The following UMAD1 variants were observed in gnomAD, a reference collection of about 807,000 sequenced individuals.
UMAD1 encodes the protein UBAP1-MVB12-associated (UMA)-domain containing protein 1.
In UMAD1, 8 loss-of-function variants were observed where a neutral mutation model predicts 6.1. The ratio of observed to expected loss-of-function variants is 1.30; its 90% CI spans 0.76 to 2.35. The LOEUF is 2.35. Among genes scored for constraint, UMAD1 ranks in the 30% most tolerant of loss-of-function variants. UMAD1 has a pLI of 0.00. For missense variants in UMAD1, 130 were observed against 78.4 expected, an observed-to-expected ratio of 1.66 and a Z score of -2.49; for synonymous variants, 56 against 31.4, an observed-to-expected ratio of 1.78 and a Z score of -2.61.
At chr7:7,652,761 A>G (rs1785251687) in intron 1 of UMAD1, among the ~76,000 whole-genome samples, 1 of 152,352 alleles carries the variant, frequency 6.6e-6, no homozygotes, top group Non-Finnish European at 1.5e-5. Context: ...CAAATGACTG[A>G]GTGTTAAAAG....
chr7:7,707,594 A>G (rs1433908876), intron 2 of UMAD1, among the ~76,000 whole-genome samples: 3 of 152,208 alleles, frequency 2.0e-5, no homozygotes, highest in African/African-American at 7.2e-5. Flanking sequence ...TGCATTGTAT[A>G]CTTCATAAAG....
chr7:7,875,618 C>T (rs1241309440), intron 3 of UMAD1, among the ~76,000 whole-genome samples: 1 of 152,218 alleles, frequency 6.6e-6, no homozygotes, highest in Non-Finnish European at 1.5e-5. Context: ...TGGACACATA[C>T]ACCCTTCCAA....
At chr7:7,790,945 C>T (rs187915076) in intron 2 of UMAD1, among the ~76,000 whole-genome samples, 1 of 152,246 alleles carries the variant, frequency 6.6e-6, no homozygotes, top group Non-Finnish European at 1.5e-5. Context: ...GGCTGGGGTG[C>T]AATGGTGCGA....
intron 3 of UMAD1, among the ~76,000 whole-genome samples, chr7:7,805,327 T>A (rs991656097): frequency 2.2e-5 from 3 of 136,536 alleles, no homozygotes; most frequent in African/African-American, 8.5e-5. Context: ...CACCACCCTA[T>A]ATCTATATAG....
chr7:7,657,202 C>G (rs2115084159), intron 1 of UMAD1, among the ~76,000 whole-genome samples: 1 of 152,232 alleles, frequency 6.6e-6, no homozygotes, highest in East Asian at 1.9e-4. Flanking sequence ...TTTCTAGAGT[C>G]TGGGTATTAG....
At chr7:7,663,068 C>T (rs1313244539) in intron 1 of UMAD1, among the ~76,000 whole-genome samples, 1 of 152,020 alleles carries the variant, frequency 6.6e-6, no homozygotes, top group South Asian at 2.1e-4. Flanking sequence ...TAACCCAGCA[C>T]AGGCACCCAA....
intron 2 of UMAD1, among the ~76,000 whole-genome samples, chr7:7,693,300 T>TATCTATCC (rs1473806672): frequency 6.9e-6 from 1 of 144,372 alleles, no homozygotes; most frequent in African/African-American, 2.9e-5. Flanking sequence ...TATCTTTATC[T>TATCTATCC]ATCTATCTAT....
chr7:7,752,944 A>T (rs1346610571), intron 2 of UMAD1, among the ~76,000 whole-genome samples: 1 of 152,118 alleles, frequency 6.6e-6, no homozygotes, highest in Non-Finnish European at 1.5e-5. Context: ...TACAACCTGG[A>T]TCCACCCTGG....
intron 3 of UMAD1, among the ~76,000 whole-genome samples, chr7:7,814,329 C>G (rs1421990392): frequency 1.3e-5 from 2 of 152,138 alleles, no homozygotes; most frequent in Non-Finnish European, 2.9e-5. Context: ...TGGTAATAGT[C>G]TCTTTTTCTC....
At chr7:7,711,507 T>C (rs910784284) in intron 2 of UMAD1, among the ~76,000 whole-genome samples, 4 of 152,244 alleles carry the variant, frequency 2.6e-5, no homozygotes, top group African/African-American at 4.8e-5. Flanking sequence ...CTCTATCCTT[T>C]TTAACATGTA....
chr7:7,663,153 A>G (rs1389982098), intron 1 of UMAD1, among the ~76,000 whole-genome samples: 1 of 144,302 alleles, frequency 6.9e-6, no homozygotes, highest in African/African-American at 2.6e-5. Flanking sequence ...CTCTTCCCCT[A>G]CTTTTTTTTT....
At chr7:7,721,708 C>A (rs978930117) in intron 2 of UMAD1, among the ~76,000 whole-genome samples, 5 of 152,096 alleles carry the variant, frequency 3.3e-5, no homozygotes, top group African/African-American at 1.2e-4. Context: ...TGTGATTGTC[C>A]ATGAGGATTT....
chr7:7,663,819 C>T (rs1444239250), intron 1 of UMAD1, among the ~76,000 whole-genome samples: 4 of 152,164 alleles, frequency 2.6e-5, no homozygotes, highest in African/African-American at 4.8e-5. Context: ...GAATTACATG[C>T]ATGACTATCA....
intron 2 of UMAD1, among the ~76,000 whole-genome samples, chr7:7,778,779 G>A (rs1202142221): frequency 6.6e-6 from 1 of 152,118 alleles, no homozygotes; most frequent in Non-Finnish European, 1.5e-5. Flanking sequence ...TTGTGAATTA[G>A]GGGCTGCTGC....
chr7:7,649,158 C>CAAAAAAAAAAAAAAAAAAAAAA (rs34943326), intron 1 of UMAD1, among the ~76,000 whole-genome samples: 6 of 128,866 alleles, frequency 4.7e-5, no homozygotes, highest in Admixed American at 8.4e-5. Context: ...GACTCCATCT[C>CAAAAAAAAAAAAAAAAAAAAAA]AAAAAAAAAA....
rs1783817431 is a variant in UMAD1, at chr7:7,847,107, ATATATATATATATATATATATATAT to A, written c.157-30173_157-30149del. ...CAATGCAAAAAAAAAAAAAAAAAAT[ATATATATATATATATATATATATAT>A]ATATATATATATATATATATATTTG... On this transcript the variant is annotated intron_variant, in intron 3 of 3. Transcript: ENST00000682710. Among the ~76,000 whole-genome samples, 23 of 4,862 alleles carry A rather than the reference ATATATATATATATATATATATATAT, an allele frequency of 4.7e-3. 1 individual carries two copies. Among genetic ancestry groups the A allele is most frequent in the East Asian group, 0.014 (1 of 70 alleles). 3.2% of individuals were successfully genotyped at this position (4,862 alleles called of 152,430 possible).
intron 2 of UMAD1, among the ~76,000 whole-genome samples, chr7:7,747,875 A>G (rs780400157): frequency 2.6e-5 from 4 of 152,230 alleles, no homozygotes; most frequent in Non-Finnish European, 5.9e-5. Flanking sequence ...AATCTAAATC[A>G]TTGAATTATT....
At chr7:7,864,241 T>G (rs1784181888) in intron 3 of UMAD1, among the ~76,000 whole-genome samples, 1 of 152,214 alleles carries the variant, frequency 6.6e-6, no homozygotes, top group African/African-American at 2.4e-5. Flanking sequence ...TATGGTATAT[T>G]TGTGGTCACA....
intron 2 of UMAD1, among the ~76,000 whole-genome samples, chr7:7,790,713 C>T (rs1363923046): frequency 6.6e-6 from 1 of 152,184 alleles, no homozygotes; most frequent in African/African-American, 2.4e-5. Context: ...GCAGTAATTT[C>T]TCACGTTCAT....
Sources: allele counts gnomAD v4.1 joint callset (sites outside exome capture counted in the v4.1 genomes callset), GRCh38; gene constraint gnomAD v4.1.1; transcripts MANE v1.5; gene names NCBI Gene and HGNC (gene_info 2026-07-23, HGNC 2026-07-21).